Variants in UNC79 observed in about 807,000 individuals in gnomAD.
UNC79 encodes protein unc-79 homolog.
A neutral mutation model predicts 283.1 loss-of-function variants in UNC79; 37 were observed. The ratio of observed to expected loss-of-function variants is 0.13; its 90% confidence interval spans 0.10 to 0.17. The LOEUF is 0.17. UNC79 is among the 10% of genes least tolerant of loss of function. The pLI, the probability that UNC79 is intolerant of heterozygous loss-of-function variation, is 1.00. For synonymous variants in UNC79, 1,107 were observed against 1,200.2 expected, an observed-to-expected ratio of 0.92 and a Z score of 1.61; for missense variants, 2,272 against 3,211.1, an observed-to-expected ratio of 0.71 and a Z score of 7.07.
intron 1 of UNC79, among the ~76,000 whole-genome samples, chr14:93,408,193 G>T (rs1474715901): frequency 6.6e-6 from 1 of 152,164 alleles, no homozygotes; most frequent in Non-Finnish European, 1.5e-5. Flanking sequence ...TGATTAATAT[G>T]CTAAGGGCTC....
At chr14:93,668,978 TAAAAA>T (rs543609091) in intron 40 of UNC79, among the ~76,000 whole-genome samples, 2 of 79,896 alleles carry the variant, frequency 2.5e-5, no homozygotes, top group Non-Finnish European at 2.5e-5. Flanking sequence ...GAACATTGTC[TAAAAA>T]AAAAAAAAAA....
chr14:93,484,686 C>T (rs2058322997), intron 4 of UNC79, among the ~76,000 whole-genome samples: 1 of 152,194 alleles, frequency 6.6e-6, no homozygotes, highest in Non-Finnish European at 1.5e-5. Flanking sequence ...TGGCTTTTTA[C>T]ACCCTCATGG....
chr14:93,348,086 TGCTAG>T (rs1405606802), intron 1 of UNC79: 2 of 1,611,904 alleles, frequency 1.2e-6, no homozygotes, highest in South Asian at 1.1e-5. Context: ...GCTGCATATG[TGCTAG>T]GCAACCTGAA....
chr14:93,501,277 T>C (rs2059272334), intron 7 of UNC79, among the ~76,000 whole-genome samples: 1 of 152,024 alleles, frequency 6.6e-6, no homozygotes, highest in Admixed American at 6.6e-5. Flanking sequence ...TGAGCCAAGA[T>C]TGCGCCATTG....
chr14:93,658,998 T>C (rs566462067), intron 38 of UNC79, among the ~76,000 whole-genome samples, 195 bp from the exon 42 acceptor site: 6 of 152,338 alleles, frequency 3.9e-5, no homozygotes, highest in Admixed American at 2.0e-4. Flanking sequence ...TACCATTGTA[T>C]AATTGTTTAA....
chr14:93,556,320 C>T (rs895749597), intron 14 of UNC79, among the ~76,000 whole-genome samples: 1 of 152,126 alleles, frequency 6.6e-6, no homozygotes, highest in African/African-American at 2.4e-5. Context: ...TAGCCACTCA[C>T]TGTAAGCAAC....
intron 7 of UNC79, among the ~76,000 whole-genome samples, chr14:93,506,298 C>T (rs1409946843): frequency 6.6e-6 from 1 of 151,870 alleles, no homozygotes; most frequent in Non-Finnish European, 1.5e-5. Context: ...TCTCAGCTAC[C>T]TGCAACTTCT....
chr14:93,413,818 A>G (rs2055391254), intron 1 of UNC79, among the ~76,000 whole-genome samples: 1 of 130,028 alleles, frequency 7.7e-6, no homozygotes. Context: ...GGCTGCATAA[A>G]TGTCTTCTTT....
At chr14:93,473,975 A>G (rs1487330753) in intron 2 of UNC79, 114 bp from the exon 3 acceptor site, 21 of 1,304,648 alleles carry the variant, frequency 1.6e-5, no homozygotes, top group Non-Finnish European at 1.0e-6. Context: ...TGGCAATTGC[A>G]TCTTATGTGG....
intron 35 of UNC79, among the ~76,000 whole-genome samples, 170 bp downstream of exon 38, chr14:93,646,816 C>G (rs551946423): frequency 6.6e-6 from 1 of 152,004 alleles, no homozygotes; most frequent in South Asian, 2.1e-4. Flanking sequence ...TCAAGACCAT[C>G]CTGGGCAACA....
At chr14:93,587,262 A>C (rs2064288502) in intron 22 of UNC79, among the ~76,000 whole-genome samples, 1 of 152,196 alleles carries the variant, frequency 6.6e-6, no homozygotes, top group Non-Finnish European at 1.5e-5. Context: ...CTACCTTCTT[A>C]CTTAAAATAG....
At chr14:93,590,824 G>T (rs1432113788) in intron 22 of UNC79, among the ~76,000 whole-genome samples, 1 of 152,204 alleles carries the variant, frequency 6.6e-6, no homozygotes, top group African/African-American at 2.4e-5. Context: ...GGGCTGCCTG[G>T]TTTGCATTCT....
intron 1 of UNC79, among the ~76,000 whole-genome samples, chr14:93,416,848 G>T (rs982836286): frequency 6.6e-6 from 1 of 152,100 alleles, no homozygotes; most frequent in Non-Finnish European, 1.5e-5. Context: ...TACAACCCCT[G>T]CCTTTTTTTG....
intron 2 of UNC79, among the ~76,000 whole-genome samples, chr14:93,472,670 AT>A (rs1219433200): frequency 6.6e-6 from 1 of 152,128 alleles, no homozygotes; most frequent in Non-Finnish European, 1.5e-5. Context: ...CTAAGAGCAA[AT>A]AATAAAAATA....
chr14:93,434,769 A>G (rs981399725), intron 1 of UNC79, among the ~76,000 whole-genome samples: 3 of 152,212 alleles, frequency 2.0e-5, no homozygotes, highest in Non-Finnish European at 4.4e-5. Flanking sequence ...AAATGAGGTG[A>G]TTCATGAACA....
chr14:93,411,403 C>CT (rs1294547114), intron 1 of UNC79, among the ~76,000 whole-genome samples: 10 of 152,218 alleles, frequency 6.6e-5, no homozygotes, highest in Non-Finnish European at 1.0e-4. Context: ...AGAAGCCTAG[C>CT]TGGCTTCCCT....
intron 4 of UNC79, among the ~76,000 whole-genome samples, chr14:93,486,881 C>T (rs991909310): frequency 3.3e-5 from 5 of 152,018 alleles, no homozygotes; most frequent in African/African-American, 4.8e-5. Context: ...GATTATACAG[C>T]GGTAAGATGG....
At chr14:93,625,496 C>A (rs999044628) in intron 30 of UNC79, among the ~76,000 whole-genome samples, 1 of 152,174 alleles carries the variant, frequency 6.6e-6, no homozygotes, top group Non-Finnish European at 1.5e-5. Flanking sequence ...TCTTCTCCAG[C>A]GATTGTTTTT....
intron 1 of UNC79, among the ~76,000 whole-genome samples, chr14:93,370,321 G>A (rs549917176): frequency 2.2e-4 from 33 of 152,284 alleles, no homozygotes; most frequent in Non-Finnish European, 4.1e-4. Context: ...TTGTGTGCAA[G>A]AACAGAGGGA....
Sources: gnomAD v4.1 joint callset for allele counts (sites outside exome capture counted in the v4.1 genomes callset) on GRCh38, gnomAD v4.1.1 for gene constraint, MANE v1.5 for transcripts, NCBI Gene and HGNC (gene_info 2026-07-23, HGNC 2026-07-21) for gene names.